The following RRAGD variants were observed in gnomAD, a reference collection of about 807,000 sequenced individuals.
The protein encoded by RRAGD is ras-related GTP-binding protein D.
In RRAGD, 12 loss-of-function variants were observed where a neutral mutation model predicts 35.5. The observed-to-expected ratio is 0.34, with a 90% CI of 0.22 to 0.55. The LOEUF is 0.55. Ranked by LOEUF, RRAGD falls within the 20% of genes least tolerant of loss-of-function variation. RRAGD has a pLI of 0.91. For synonymous variants in RRAGD, 155 were observed against 178.9 expected (o/e 0.87, Z 1.07); for missense variants, 324 against 490.1 (o/e 0.66, Z 3.20).
intron 5 of RRAGD, among the ~76,000 whole-genome samples, chr6:89,376,300 G>GGTGTGTGTGTGT (rs34484330): frequency 7.1e-6 from 1 of 141,772 alleles, no homozygotes; most frequent in Non-Finnish European, 1.5e-5. Flanking sequence ...ATGTGTGTGT[G>GGTGTGTGTGTGT]GTGTGTGTGT....
chr6:89,388,421 G>A (rs1769172712), intron 1 of RRAGD, among the ~76,000 whole-genome samples: 1 of 152,102 alleles, frequency 6.6e-6, no homozygotes, highest in South Asian at 2.1e-4. Context: ...ATGGTGGTGA[G>A]GGGCGCATAA....
chr6:89,410,030 C>G (rs891704348), intron 1 of RRAGD, among the ~76,000 whole-genome samples: 1 of 152,228 alleles, frequency 6.6e-6, no homozygotes, highest in Non-Finnish European at 1.5e-5. Context: ...TTTGCCTTTA[C>G]GTTAACAGCT....
intron 5 of RRAGD, among the ~76,000 whole-genome samples, chr6:89,374,690 A>G (rs1045238229): frequency 6.6e-6 from 1 of 152,032 alleles, no homozygotes; most frequent in African/African-American, 2.4e-5. Flanking sequence ...AGATCATGCC[A>G]TTGCACTCCA....
intron 1 of RRAGD, among the ~76,000 whole-genome samples, chr6:89,390,602 G>A (rs748711319): frequency 3.9e-5 from 6 of 152,178 alleles, no homozygotes; most frequent in Admixed American, 1.3e-4. Flanking sequence ...CAGTTTGGCA[G>A]TTCCTCAAAC....
intron 5 of RRAGD, among the ~76,000 whole-genome samples, chr6:89,376,092 C>A (rs192493315): frequency 2.6e-5 from 4 of 152,114 alleles, no homozygotes; most frequent in Non-Finnish European, 5.9e-5. Flanking sequence ...TCCATTTAAA[C>A]GGTTTAAAAA....
At chr6:89,368,769 C>T (rs141696205) in intron 6 of RRAGD, among the ~76,000 whole-genome samples, 130 of 152,276 alleles carry the variant, frequency 8.5e-4, no homozygotes, top group Non-Finnish European at 1.4e-3. Flanking sequence ...ACCAATGACA[C>T]TCAGCTTTTC....
chr6:89,410,153 T>A (rs1490581105), intron 1 of RRAGD, among the ~76,000 whole-genome samples: 5 of 152,346 alleles, frequency 3.3e-5, no homozygotes, highest in African/African-American at 1.2e-4. Flanking sequence ...ATTTTAAAAG[T>A]GCCCACTTAA....
chr6:89,387,983 A>C (rs1212068059), intron 1 of RRAGD, among the ~76,000 whole-genome samples: 1 of 152,130 alleles, frequency 6.6e-6, no homozygotes, highest in Non-Finnish European at 1.5e-5. Flanking sequence ...TTCAGGAGCC[A>C]TATTGTTCTC....
At chr6:89,396,703 G>C (rs1415166250) in intron 1 of RRAGD, among the ~76,000 whole-genome samples, 5 of 146,792 alleles carry the variant, frequency 3.4e-5, no homozygotes, top group African/African-American at 1.3e-4. Context: ...ACAGGCATGA[G>C]CTGCTGCACC....
chr6:89,404,955 G>C (rs12663458), intron 1 of RRAGD, among the ~76,000 whole-genome samples: 27,471 of 152,050 alleles, frequency 0.18, 2,675 homozygotes, highest in Non-Finnish European at 0.21. Context: ...ATGCACTTCA[G>C]AAATTCTATT....
chr6:89,407,419 C>T (rs1319209399), intron 1 of RRAGD, among the ~76,000 whole-genome samples: 1 of 152,216 alleles, frequency 6.6e-6, no homozygotes, highest in Non-Finnish European at 1.5e-5. Flanking sequence ...AGGTGGATCA[C>T]TTGAGGTCAG....
chr6:89,387,434 C>T lies in RRAGD; in HGVS notation c.305G>A (p.Arg102Gln), dbSNP rs753650418. Residue 102 changes from arginine (R) to glutamine (Q), a missense_variant, in exon 2 of 7, where the codon CGG (arginine) becomes CAG (glutamine). Coordinates refer to ENST00000369415, the MANE Select transcript of RRAGD (RefSeq NM_021244.5). The part of the protein sequence containing the change: ...LFLESTNKIC[R>Q]EDVSNSSFVN... The stretch of plus-strand genomic sequence containing the variant: ...AAAGGAGCTGTTGGAAACATCTTCC[C>T]GGCATATCTTATTAGTGCTCTCCAA... 2.5e-6 allele frequency: 4 copies of T among 1,613,986 alleles called. No individual in the cohort carries two copies. The South Asian group carries it at 3.3e-5, about 13-fold the overall frequency.
chr6:89,387,629 T>G lies in RRAGD; in HGVS notation c.149-39A>C, dbSNP rs765188336. On this transcript the variant is annotated intron_variant, in intron 1 of 6. Coordinates refer to ENST00000369415, the MANE Select transcript of RRAGD (RefSeq NM_021244.5). ...AAAATGAGAATGAAGGTGAGATGCTTTCACAGAGGTTAATTAGAGGAGTTT... is the reference window on the plus strand; with the variant it reads ...AAAATGAGAATGAAGGTGAGATGCTGTCACAGAGGTTAATTAGAGGAGTTT... 7.0e-6 allele frequency: 11 copies of G among 1,560,368 alleles called. No homozygotes were observed. The South Asian group carries it at 1.3e-4, about 18-fold the overall frequency.
chr6:89,408,476 A>G (rs1769628876), intron 1 of RRAGD, among the ~76,000 whole-genome samples: 1 of 152,200 alleles, frequency 6.6e-6, no homozygotes, highest in Non-Finnish European at 1.5e-5. Flanking sequence ...CAATATAGAG[A>G]GACCCAGTCC....
rs1768725058 is a variant in RRAGD at position 89,365,523 on chromosome 6, T to C, written c.*2533A>G. ...TTGAAGACATTTCCAATAACACAGA[T>C]TTGAAAAACTGAACGCTTAGACATA... On this transcript the variant is annotated 3_prime_UTR_variant, in exon 7 of 7. Coordinates refer to ENST00000369415, the MANE Select transcript of RRAGD (RefSeq NM_021244.5). 2 of 152,208 alleles carry C rather than the reference T, an allele frequency of 1.3e-5. No individual in the cohort carries two copies. The highest frequency in any genetic ancestry group is 4.8e-5 in the African/African-American group (2 of 41,458). The allele number at this position is 152,208 out of a possible 1,614,324, so 9.4% of individuals were successfully genotyped here. A position where few individuals can be genotyped will look rare whatever the true frequency, so the allele number is the denominator to read the frequency against.
intron 6 of RRAGD, among the ~76,000 whole-genome samples, chr6:89,369,947 C>T (rs1412066573): frequency 6.6e-6 from 1 of 152,140 alleles, no homozygotes; most frequent in Non-Finnish European, 1.5e-5. Context: ...GGCCCCACAT[C>T]CTTCTCTGGT....
At position 89,411,923 on chromosome 6, in the gene RRAGD, T is replaced by A; in HGVS notation, c.71A>T (p.Glu24Val). ...DDAEEEEEED[E>V]LVGLADYGDG... Reference sequence around the variant, plus strand: ...TCCGTAGTCCGCTAGCCCCACCAGCTCATCCTCCTCCTCCTCCTCCTCCGC... The same window carrying A: ...TCCGTAGTCCGCTAGCCCCACCAGCACATCCTCCTCCTCCTCCTCCTCCGC... Residue 24 changes from glutamate to valine, a missense_variant, in exon 1 of 7, where the codon GAG (glutamate) becomes GTG (valine). Around this residue, in one of 5 missense-constraint regions of RRAGD, gnomAD observed 96 missense variants for 78.7 expected, o/e 1.22. Transcript: ENST00000369415. This position sits in a 1 kb window ranked among gnomAD's most constrained non-coding sequence, Gnocchi z 5.6. 1 of 1,544,234 alleles carries A rather than the reference T, an allele frequency of 6.5e-7. No homozygotes were observed.
At chr6:89,387,268 T>A (rs1252811483) in intron 2 of RRAGD, 27 bp downstream of exon 2, 1 of 1,602,466 alleles carries the variant, frequency 6.2e-7, no homozygotes, top group Non-Finnish European at 8.5e-7. Context: ...GGCCAGGCCA[T>A]CATACCCCTG....
chr6:89,396,728 A>G (rs1769340271), intron 1 of RRAGD, among the ~76,000 whole-genome samples: 1 of 76,392 alleles, frequency 1.3e-5, no homozygotes, highest in Non-Finnish European at 2.3e-5. Flanking sequence ...CAATGACCCA[A>G]TTTTTTTTTT....
Sources: gnomAD v4.1 joint callset for allele counts (sites outside exome capture counted in the v4.1 genomes callset) on GRCh38, gnomAD v4.1.1 for gene constraint, gnomAD v4.1.1 regional missense constraint, Gnocchi (gnomAD v3.1) non-coding constraint, MANE v1.5 for transcripts, NCBI Gene and HGNC (gene_info 2026-07-23, HGNC 2026-07-21) for gene names.